C4orf33: variants seen among roughly 807,000 people sequenced by gnomAD.
The protein encoded by C4orf33 is chromosome 4 open reading frame 33.
In C4orf33, 20 loss-of-function variants were observed where a neutral mutation model predicts 24.3. The ratio of observed to expected loss-of-function variants is 0.82; its 90% CI spans 0.58 to 1.19. C4orf33 has a LOEUF of 1.19. Ranked by LOEUF, C4orf33 falls within the 50% of genes most tolerant of loss-of-function variation. C4orf33 has a pLI of 0.00. For missense variants in C4orf33, 207 were observed against 225.9 expected (o/e 0.92, Z 0.54); for synonymous variants, 67 against 76.4 (o/e 0.88, Z 0.64).
intron 1 of C4orf33, among the ~76,000 whole-genome samples, chr4:129,097,037 T>C (rs1753228243): frequency 6.6e-6 from 1 of 152,108 alleles, no homozygotes; most frequent in African/African-American, 2.4e-5. Context: ...ACCTCCCGAG[T>C]AGCTGGAACT....
rs1753747633 is a variant in C4orf33 at position 129,114,732 on chromosome 4, G to T, written c.*2941G>T. On this transcript the variant is annotated 3_prime_UTR_variant, in exon 6 of 6. Coordinates refer to ENST00000425929, the MANE Select transcript of C4orf33 (RefSeq NM_001099783.2). ...GTAGACTGGCTTGAGGTGCAGCTGA[G>T]GCACCTGAAGCTATGAAAGCCATCT... 6.6e-6 allele frequency: 1 copy of T among 152,158 alleles called. No individual in the cohort carries two copies. The highest frequency in any genetic ancestry group is 6.5e-5 in the Admixed American group (1 of 15,278). 9.4% of individuals were successfully genotyped at this position (152,158 alleles called of 1,614,324 possible).
At chr4:129,101,484 G>A (rs1055472548) in intron 1 of C4orf33, among the ~76,000 whole-genome samples, 14 of 151,932 alleles carry the variant, frequency 9.2e-5, no homozygotes, top group African/African-American at 3.4e-4. Context: ...AATTTGGGGG[G>A]TCCACCACTC....
At chr4:129,095,740 T>C (rs1753187311), upstream of C4orf33, among the ~76,000 whole-genome samples, 1 of 152,204 alleles carries the variant, frequency 6.6e-6, no homozygotes, top group Non-Finnish European at 1.5e-5. Context: ...TGAGTTGAGA[T>C]TTGAACCCAG....
intron 2 of C4orf33, among the ~76,000 whole-genome samples, chr4:129,106,018 G>A (rs911987281): frequency 3.3e-5 from 5 of 151,974 alleles, no homozygotes; most frequent in Non-Finnish European, 5.9e-5. Flanking sequence ...GAATATCATG[G>A]ATATCTTCCT....
intron 2 of C4orf33, among the ~76,000 whole-genome samples, chr4:129,105,813 T>C (rs1001442593): frequency 2.0e-5 from 3 of 152,126 alleles, no homozygotes; most frequent in Non-Finnish European, 4.4e-5. Flanking sequence ...AATTAAACAA[T>C]TTTAAAAATA....
In C4orf33 at chr4:129,112,042, A is replaced by G. The variant is rs1473554476; in HGVS notation, c.*251A>G. 9.0e-6 allele frequency: 3 copies of G among 331,632 alleles called. No homozygotes were observed. Among genetic ancestry groups the G allele is most frequent in the Non-Finnish European group, 1.7e-5 (3 of 180,398 alleles). 20.5% of individuals were successfully genotyped at this position (331,632 alleles called of 1,614,324 possible). A position where few individuals can be genotyped will look rare whatever the true frequency, so the allele number is the denominator to read the frequency against. On this transcript the variant is annotated 3_prime_UTR_variant, in exon 6 of 6. Transcript: ENST00000425929. ...ACTTAGTCCAGGATGTTGCATTCCCAGCACACAGTACAGTTATTCTTGAAA... is the reference window on the plus strand; with the variant it reads ...ACTTAGTCCAGGATGTTGCATTCCCGGCACACAGTACAGTTATTCTTGAAA...
chr4:129,106,122 G>A (rs1753509568), intron 2 of C4orf33, among the ~76,000 whole-genome samples: 1 of 151,996 alleles, frequency 6.6e-6, no homozygotes, highest in Non-Finnish European at 1.5e-5. Context: ...TTACTTAACA[G>A]TTCTCCTGTA....
In C4orf33 at chr4:129,102,591, T is replaced by G. The variant is rs767780249; in HGVS notation, c.-9-11T>G. The stretch of plus-strand genomic sequence containing the variant: ...TTGTTAAAGAGTTTGTTTTAACATA[T>G]TTTCTTTTAGAGACTTCAGATGGAT... On this transcript the variant is annotated splice_polypyrimidine_tract_variant and intron_variant, in intron 1 of 5. Transcript: ENST00000425929. 1.3e-5 allele frequency: 20 copies of G among 1,560,732 alleles called. No individual in the cohort carries two copies. The highest frequency in any genetic ancestry group is 3.9e-5 in the Admixed American group (2 of 51,944).
intron 1 of C4orf33, chr4:129,102,148 A>G (rs1206146867): frequency 6.6e-6 from 1 of 152,240 alleles, no homozygotes; most frequent in African/African-American, 2.4e-5. Flanking sequence ...ACAATAAATA[A>G]AAGACAAAGG....
At chr4:129,099,679 G>A (rs1361031989) in intron 1 of C4orf33, among the ~76,000 whole-genome samples, 1 of 152,150 alleles carries the variant, frequency 6.6e-6, no homozygotes, top group African/African-American at 2.4e-5. Flanking sequence ...TAGCCCAAGA[G>A]GTGAAGGACA....
chr4:129,102,827 ATCT>A (rs779209851), intron 2 of C4orf33, 36 bp downstream of exon 2: 27 of 1,554,890 alleles, frequency 1.7e-5, no homozygotes, highest in African/African-American at 9.6e-5. Context: ...GCAAACATAA[ATCT>A]TCTTATAATA....
At chr4:129,110,205 A>G (rs1337779800) in intron 5 of C4orf33, 2 of 158,816 alleles carry the variant, frequency 1.3e-5, no homozygotes, top group Non-Finnish European at 2.7e-5. Context: ...TGGATGAACT[A>G]TAAATATATG....
In C4orf33 at chr4:129,114,523, GT is replaced by G. The variant is rs1227201344; in HGVS notation, c.*2734del. On this transcript the variant is annotated 3_prime_UTR_variant, in exon 6 of 6. Transcript: ENST00000425929. ...TTAACTACAGTCAACCTCTTTGGAA[GT>G]TATTGTCCTATGTTTGCTTCATGGG... 6.6e-6 allele frequency: 1 copy of G among 152,196 alleles called. No homozygotes were observed. Among genetic ancestry groups the G allele is most frequent in the Non-Finnish European group, 1.5e-5 (1 of 68,062 alleles). 9.4% of individuals were successfully genotyped at this position (152,196 alleles called of 1,614,324 possible).
intron 2 of C4orf33, 26 bp from the exon 3 acceptor site, chr4:129,106,559 CAA>C (rs1753523119): frequency 8.7e-7 from 1 of 1,155,790 alleles, no homozygotes; most frequent in Admixed American, 2.1e-5. Flanking sequence ...TTAAATATCT[CAA>C]TATGTTATAT....
chr4:129,112,580 C>T lies in C4orf33; in HGVS notation c.*789C>T, dbSNP rs1382305978. On this transcript the variant is annotated 3_prime_UTR_variant, in exon 6 of 6. Coordinates refer to ENST00000425929, the MANE Select transcript of C4orf33 (RefSeq NM_001099783.2). ...GTAGCTGCATATATTTGTCAACATTCCTCATGCTGTATGTTTAGATTTGTG... is the reference window on the plus strand; with the variant it reads ...GTAGCTGCATATATTTGTCAACATTTCTCATGCTGTATGTTTAGATTTGTG... 1 of 152,048 alleles carries T rather than the reference C, an allele frequency of 6.6e-6. No homozygotes were observed. The highest frequency in any genetic ancestry group is 1.5e-5 in the Non-Finnish European group (1 of 68,010). 9.4% of individuals were successfully genotyped at this position (152,048 alleles called of 1,614,324 possible). A position where few individuals can be genotyped will look rare whatever the true frequency, so the allele number is the denominator to read the frequency against.
chr4:129,109,815 G>C, intron 5 of C4orf33, 143 bp downstream of exon 5: 1 of 893,200 alleles, frequency 1.1e-6, no homozygotes. Context: ...TTCACTGATG[G>C]TCCTCAGAAA....
At position 129,109,595 on chromosome 4, in the gene C4orf33, A is replaced by T. The variant is rs1221807392; in HGVS notation, c.417A>T (p.Gly139=). ...VTKFNSFAIH[G]SKDKRSYEAL... ...AATTCAATTCATTTGCAATTCATGG[A>T]TCAAAAGATAAACGAAGTTATGAAG... Residue 139 remains glycine, a synonymous_variant, in exon 5 of 6, where the codon GGA becomes GGT. Transcript: ENST00000425929. 12 of 1,613,972 alleles carry T rather than the reference A, an allele frequency of 7.4e-6. No individual in the cohort carries two copies.
chr4:129,094,608 C>T (rs1242397944), upstream of C4orf33, among the ~76,000 whole-genome samples: 1 of 152,136 alleles, frequency 6.6e-6, no homozygotes, highest in Non-Finnish European at 1.5e-5. Flanking sequence ...TTACTCAATA[C>T]TCACTGTTAA....
rs547421458 is a variant in C4orf33, at chr4:129,111,811, C to T, written c.*20C>T. 6.3e-6 allele frequency: 9 copies of T among 1,418,058 alleles called. No individual in the cohort carries two copies. The Admixed American group carries it at 7.4e-5, about 12-fold the overall frequency. 87.8% of individuals were successfully genotyped at this position (1,418,058 alleles called of 1,614,324 possible). A position where few individuals can be genotyped will look rare whatever the true frequency, so the allele number is the denominator to read the frequency against. ...ATATAGGAGTAATAGATAACCATAC[C>T]GATCATTTTTTCCTCTATACCTTTT... On this transcript the variant is annotated 3_prime_UTR_variant, in exon 6 of 6. Coordinates refer to ENST00000425929, the MANE Select transcript of C4orf33 (RefSeq NM_001099783.2).
Sources: gnomAD v4.1 joint callset for allele counts (sites outside exome capture counted in the v4.1 genomes callset) on GRCh38, gnomAD v4.1.1 for gene constraint, MANE v1.5 for transcripts, NCBI Gene and HGNC (gene_info 2026-07-23, HGNC 2026-07-21) for gene names.